The following SGCD variants were observed in gnomAD, a reference collection of about 807,000 sequenced individuals.
The protein encoded by SGCD is delta-sarcoglycan.
A neutral mutation model predicts 36.6 loss-of-function variants in SGCD; 18 were observed. The ratio of observed to expected loss-of-function variants is 0.49; its 90% CI spans 0.34 to 0.73. The LOEUF (loss-of-function observed/expected upper bound fraction) is 0.73, where lower values mean the gene tolerates loss of function less well. Among genes scored for constraint, SGCD ranks in the 30% least tolerant of loss-of-function variants. The probability of loss-of-function intolerance (pLI) is 0.01; values close to 1 mark genes in which losing one functional copy is unlikely to be tolerated. For missense variants in SGCD, 387 were observed against 346.7 expected, an observed-to-expected ratio of 1.12 and a Z score of -0.92; for synonymous variants, 133 against 130.6, an observed-to-expected ratio of 1.02 and a Z score of -0.12.
the SGCD span, among the ~76,000 whole-genome samples, chr5:155,848,763 T>C: frequency 6.6e-6 from 1 of 152,128 alleles, no homozygotes; most frequent in South Asian, 2.1e-4. Context: ...CCACTATAGC[T>C]CTTAGTACAG....
intron 3 of SGCD, among the ~76,000 whole-genome samples, chr5:156,319,345 C>G (rs1449476045): frequency 6.6e-6 from 1 of 152,204 alleles, no homozygotes; most frequent in Non-Finnish European, 1.5e-5. Context: ...TTAATGAGCA[C>G]TTGATCTGTT....
intron 3 of SGCD, among the ~76,000 whole-genome samples, chr5:156,442,258 G>A (rs550395889): frequency 6.6e-6 from 1 of 152,270 alleles, no homozygotes; most frequent in Admixed American, 6.5e-5. Context: ...CTGCAGGTGT[G>A]GCTGGGTTAA....
chr5:156,760,850 A>ATAGTT lies in SGCD; in HGVS notation c.*1463_*1467dup, dbSNP rs1757487677. The ATAGTT allele has an allele frequency of 6.6e-6, 1 of 152,612 alleles. No homozygotes were observed. Among genetic ancestry groups the ATAGTT allele is most frequent in the South Asian group, 2.1e-4 (1 of 4,822 alleles). 9.5% of individuals were successfully genotyped at this position (152,612 alleles called of 1,614,324 possible). A position where few individuals can be genotyped will look rare whatever the true frequency, so the allele number is the denominator to read the frequency against. On this transcript the variant is annotated 3_prime_UTR_variant, in exon 9 of 9. Transcript: ENST00000337851. The stretch of plus-strand genomic sequence containing the variant: ...GCACATCTTATTTATCTTGTTACCT[A>ATAGTT]TAGTTTACTTTGGGTGATTGGAGGG...
At chr5:155,813,362 A>C in the SGCD span, among the ~76,000 whole-genome samples, 1 of 152,174 alleles carries the variant, frequency 6.6e-6, no homozygotes, top group African/African-American at 2.4e-5. Context: ...GTATGTTTAA[A>C]ACTGCAAGAG....
chr5:156,043,105 A>G (rs1759677967), intron 1 of SGCD, among the ~76,000 whole-genome samples: 1 of 152,228 alleles, frequency 6.6e-6, no homozygotes, highest in African/African-American at 2.4e-5. Context: ...TTTTACTGTC[A>G]TAATTTTCTT....
intron 3 of SGCD, among the ~76,000 whole-genome samples, chr5:156,436,597 C>T (rs546357902): frequency 5.9e-5 from 9 of 152,166 alleles, no homozygotes; most frequent in Non-Finnish European, 1.0e-4. Flanking sequence ...AGAGGCTTGC[C>T]TAAGATTACA....
intron 7 of SGCD, among the ~76,000 whole-genome samples, chr5:156,730,341 T>G (rs912162630): frequency 6.6e-6 from 1 of 152,148 alleles, no homozygotes; most frequent in African/African-American, 2.4e-5. Context: ...TTAAGCTTAG[T>G]AACCATTCGT....
At chr5:156,097,518 T>C (rs1470697529) in intron 1 of SGCD, among the ~76,000 whole-genome samples, 1 of 152,202 alleles carries the variant, frequency 6.6e-6, no homozygotes, top group Non-Finnish European at 1.5e-5. Flanking sequence ...AGTCCATTTA[T>C]AAAGTCTTTC....
At chr5:156,182,303 TA>T (rs149090365) in intron 3 of SGCD, among the ~76,000 whole-genome samples, 38,004 of 152,044 alleles carry the variant, frequency 0.25, 5,160 homozygotes, top group East Asian at 0.57. Flanking sequence ...GAACAGAAAA[TA>T]AGCTGGGCTG....
intron 6 of SGCD, among the ~76,000 whole-genome samples, chr5:156,601,993 T>C (rs1445088606): frequency 4.6e-5 from 7 of 152,180 alleles, no homozygotes; most frequent in Non-Finnish European, 1.0e-4. Flanking sequence ...GTCATTGGTA[T>C]TTTTGATAGG....
At chr5:156,004,185 T>C (rs772925414) in intron 1 of SGCD, among the ~76,000 whole-genome samples, 29 of 152,188 alleles carry the variant, frequency 1.9e-4, no homozygotes, top group Non-Finnish European at 3.7e-4. Context: ...TTGATATTCA[T>C]AGCTAACAGC....
At chr5:156,221,670 T>G (rs30277) in intron 3 of SGCD, among the ~76,000 whole-genome samples, 1,802 of 152,230 alleles carry the variant, frequency 0.012, 14 homozygotes, top group Non-Finnish European at 0.02. Flanking sequence ...TCATTATTAT[T>G]GGAGATTTGT....
chr5:155,936,738 G>A (rs1477057948), intron 1 of SGCD, among the ~76,000 whole-genome samples: 2 of 152,154 alleles, frequency 1.3e-5, no homozygotes, highest in Non-Finnish European at 2.9e-5. Flanking sequence ...CTAGGGACGC[G>A]CCCCCTTTTA....
intron 2 of SGCD, among the ~76,000 whole-genome samples, chr5:156,330,016 C>CAAAAAAAAAAAAAAAAAAAA (rs758475764): frequency 1.7e-5 from 1 of 57,564 alleles, no homozygotes; most frequent in African/African-American, 6.8e-5. Flanking sequence ...GATTCAGTCT[C>CAAAAAAAAAAAAAAAAAAAA]AAAAAAAAAA....
chr5:156,575,752 C>CA (rs141573923), intron 4 of SGCD, among the ~76,000 whole-genome samples: 39,577 of 149,770 alleles, frequency 0.26, 6,366 homozygotes, highest in Non-Finnish European at 0.37. Context: ...GTACTTTAAG[C>CA]AAAAAAAAAT....
the SGCD span, among the ~76,000 whole-genome samples, chr5:155,803,247 A>G: frequency 9.2e-5 from 14 of 152,200 alleles, no homozygotes; most frequent in African/African-American, 3.1e-4. Flanking sequence ...GGGCAATGGA[A>G]AAGCCGAAAG....
chr5:156,438,606 A>T (rs540515414), intron 3 of SGCD, among the ~76,000 whole-genome samples: 77 of 152,256 alleles, frequency 5.1e-4, no homozygotes, highest in African/African-American at 1.7e-3. Flanking sequence ...TCTCCTGTTT[A>T]TAAAATTGCA....
At chr5:156,023,784 G>A (rs752630681) in intron 1 of SGCD, among the ~76,000 whole-genome samples, 13 of 152,216 alleles carry the variant, frequency 8.5e-5, no homozygotes, top group Non-Finnish European at 1.9e-4. Context: ...ATACATCTTC[G>A]GCTGTCTAAC....
intron 1 of SGCD, among the ~76,000 whole-genome samples, chr5:155,883,810 A>AAAC (rs1554102106): frequency 6.6e-6 from 1 of 151,646 alleles, no homozygotes; most frequent in African/African-American, 2.4e-5. Flanking sequence ...AAAAAAAAAA[A>AAAC]AAAAGAAAAG....
Sources: gnomAD v4.1 joint callset for allele counts (sites outside exome capture counted in the v4.1 genomes callset) on GRCh38, gnomAD v4.1.1 for gene constraint, MANE v1.5 for transcripts, NCBI Gene and HGNC (gene_info 2026-07-23, HGNC 2026-07-21) for gene names.